The following PLAT variants were observed in gnomAD, a reference collection of about 807,000 sequenced individuals.
PLAT encodes plasminogen activator, tissue type, also known as tissue-type plasminogen activator.
Under a neutral mutation model 74.9 loss-of-function variants are expected in PLAT, and 48 were observed. That is an observed-to-expected ratio of 0.64 (90% CI 0.51 to 0.82). The LOEUF is 0.82. Among genes scored for constraint, PLAT ranks in the 40% least tolerant of loss-of-function variants. The pLI is 0.00. For synonymous variants in PLAT, 307 were observed against 294.4 expected, an observed-to-expected ratio of 1.04 and a Z score of -0.44; for missense variants, 673 against 736.2, an observed-to-expected ratio of 0.91 and a Z score of 0.99.
chr8:42,194,235 AGAGAGAGT>A (rs1454181311), intron 1 of PLAT, among the ~76,000 whole-genome samples: 8 of 63,576 alleles, frequency 1.3e-4, no homozygotes, highest in African/African-American at 3.7e-4. Context: ...AGAGAGAGAG[AGAGAGAGT>A]GTGTGTGTGT....
intron 13 of PLAT, among the ~76,000 whole-genome samples, chr8:42,177,555 A>T (rs1168066703): frequency 6.6e-6 from 1 of 152,238 alleles, no homozygotes; most frequent in Non-Finnish European, 1.5e-5. Flanking sequence ...TATCTGTACC[A>T]TAGAGATAAT....
chr8:42,199,157 T>C (rs1806032744), intron 1 of PLAT, among the ~76,000 whole-genome samples: 1 of 152,208 alleles, frequency 6.6e-6, no homozygotes. Context: ...AAAACTACCA[T>C]CACATAAGTA....
chr8:42,176,199 C>G (rs1187754279), intron 13 of PLAT, 48 bp from the exon 14 acceptor site: 14 of 1,501,188 alleles, frequency 9.3e-6, no homozygotes, highest in African/African-American at 1.4e-5. Flanking sequence ...AGCAGACTAT[C>G]TGGAGAAAGT....
chr8:42,207,409 CATT>C (rs1806385988), intron 1 of PLAT, 82 bp downstream of exon 1: 1 of 152,278 alleles, frequency 6.6e-6, no homozygotes, highest in Non-Finnish European at 1.5e-5. Flanking sequence ...TTGGTTAAAG[CATT>C]CCTTCACTGG....
intron 7 of PLAT, 188 bp downstream of exon 7, chr8:42,184,889 TCAGA>T (rs1805390398): frequency 2.2e-6 from 1 of 463,170 alleles, no homozygotes; most frequent in African/African-American, 2.0e-5. Flanking sequence ...CAGCTCCAGG[TCAGA>T]CAAATAGCCA....
At chr8:42,183,146 G>T (rs554061346) in intron 7 of PLAT, among the ~76,000 whole-genome samples, 1 of 152,320 alleles carries the variant, frequency 6.6e-6, no homozygotes, top group African/African-American at 2.4e-5. Flanking sequence ...TGGGGTTACA[G>T]GCATGCGCCA....
At chr8:42,194,800 C>T (rs8178719) in intron 1 of PLAT, among the ~76,000 whole-genome samples, 1 of 151,458 alleles carries the variant, frequency 6.6e-6, no homozygotes, top group South Asian at 2.1e-4. Context: ...GCCCACCCCC[C>T]CCACCGCTCT....
At chr8:42,197,892 G>C (rs1435300348) in intron 1 of PLAT, among the ~76,000 whole-genome samples, 1 of 152,226 alleles carries the variant, frequency 6.6e-6, no homozygotes, top group African/African-American at 2.4e-5. Context: ...GCAAAACCAA[G>C]TGGGCTGGAT....
intron 1 of PLAT, among the ~76,000 whole-genome samples, chr8:42,194,763 G>T (rs1276024262): frequency 6.6e-6 from 1 of 151,622 alleles, no homozygotes; most frequent in East Asian, 1.9e-4. Flanking sequence ...TCCCCACAAA[G>T]CAGAGGCCCC....
chr8:42,203,980 T>G (rs1806231836), intron 1 of PLAT, among the ~76,000 whole-genome samples: 1 of 122,724 alleles, frequency 8.1e-6, no homozygotes, highest in African/African-American at 4.7e-5. Flanking sequence ...TATATATATA[T>G]ATATATATAT....
At position 42,182,809 on chromosome 8, in the gene PLAT, G is replaced by C. The variant is rs148365121; in HGVS notation, c.713C>G (p.Pro238Arg). 6.2e-7 allele frequency: 1 copy of C among 1,613,598 alleles called. No homozygotes were observed. The highest frequency in any genetic ancestry group is 1.1e-5 in the South Asian group (1 of 91,068). ...GCCTATCAGGATCATGGAATTCCAC[G>C]GGAGGCAGGAGGCACCCGACTCGGT... The part of the protein sequence containing the change: ...SLTESGASCL[P>R]WNSMILIGKV... Residue 238 changes from proline to arginine, a missense_variant, in exon 8 of 14, where the codon CCG (proline) becomes CGG (arginine). Coordinates refer to ENST00000220809, the MANE Select transcript of PLAT (RefSeq NM_000930.5).
At chr8:42,195,222 G>A (rs1288802825) in intron 1 of PLAT, among the ~76,000 whole-genome samples, 1 of 145,810 alleles carries the variant, frequency 6.9e-6, no homozygotes. Flanking sequence ...ACTTCGAAAC[G>A]AACTCCCCCG....
intron 12 of PLAT, 51 bp from the exon 13 acceptor site, chr8:42,179,114 T>C: frequency 6.8e-7 from 1 of 1,477,168 alleles, no homozygotes; most frequent in Non-Finnish European, 9.3e-7. Flanking sequence ...TTTATAAACG[T>C]TTTTGAAAGA....
In PLAT at chr8:42,187,475, G is replaced by C. The variant is rs561637468; in HGVS notation, c.462C>G (p.Ser154Arg). The C allele has an allele frequency of 1.2e-6, 2 of 1,609,344 alleles. No individual in the cohort carries two copies. The highest frequency in any genetic ancestry group is 1.1e-5 in the South Asian group (1 of 91,062). Residue 154 changes from serine to arginine, a missense_variant, in exon 6 of 14, where the codon AGC becomes AGG. Coordinates refer to ENST00000220809, the MANE Select transcript of PLAT (RefSeq NM_000930.5). ...SGAECTNWNS[S>R]ALAQKPYSGR... ...CGCTGTAGGGCTTCTGGGCCAACGC[G>C]CTGCTGTTCCAGTTGGTGCACTCGG...
Position 42,191,360 on chromosome 8 carries a change from G to A in PLAT, c.115+12C>T, listed in dbSNP as rs760979359. On this transcript the variant is annotated intron_variant, in intron 3 of 13. Coordinates refer to ENST00000220809, the MANE Select transcript of PLAT (RefSeq NM_000930.5). ...CCCTGATGACCCCATGCACCCCTCA[G>A]CTTCACCCGACCTTGGTAAGATCTG... 20 of 1,613,360 alleles carry A rather than the reference G, an allele frequency of 1.2e-5. No individual in the cohort carries two copies. Among genetic ancestry groups the A allele is most frequent in the Non-Finnish European group, 1.7e-5 (20 of 1,179,300 alleles).
rs1804965056 is a variant in PLAT at position 42,176,148 on chromosome 8, C to T, written c.1534G>A (p.Asp512Asn). 1 of 1,612,862 alleles carries T rather than the reference C, an allele frequency of 6.2e-7. No homozygotes were observed. The highest frequency in any genetic ancestry group is 1.7e-4 in the Middle Eastern group (1 of 6,058). Residue 512 changes from aspartate (D) to asparagine (N), a missense_variant, in exon 14 of 14, where the codon GAT becomes AAT. By Grantham distance (23) the Asp-to-Asn change is conservative. Coordinates refer to ENST00000220809, the MANE Select transcript of PLAT (RefSeq NM_000930.5). ...QANLHDACQG[D>N]SGGPLVCLND... ...AGACACACCAGGGGGCCTCCCGAAT[C>T]GCCCTGCAAAGGAGATAGCAGGTTT... is the stretch of plus-strand genomic sequence containing the variant.
intron 7 of PLAT, among the ~76,000 whole-genome samples, chr8:42,184,396 A>G (rs867517250): frequency 1.3e-4 from 20 of 150,626 alleles, no homozygotes; most frequent in African/African-American, 3.9e-4. Flanking sequence ...TTTTTGTTCT[A>G]TCACCCAGGC....
intron 13 of PLAT, 142 bp from the exon 14 acceptor site, chr8:42,176,293 C>A: frequency 3.1e-6 from 2 of 652,730 alleles, no homozygotes; most frequent in Non-Finnish European, 5.2e-6. Flanking sequence ...TTCATTATAA[C>A]TTTGATGAGG....
At position 42,179,944 on chromosome 8, in the gene PLAT, A is replaced by T; in HGVS notation, c.1345T>A (p.Tyr449Asn). The T allele has an allele frequency of 6.2e-7, 1 of 1,602,990 alleles. No individual in the cohort carries two copies. The highest frequency in any genetic ancestry group is 8.5e-7 in the Non-Finnish European group (1 of 1,173,346). ...PDWTECELSG[Y>N]GKHEALSPFY... is the part of the protein sequence containing the mutation. ...CACTTACAGGCCTCATGCTTGCCGT[A>T]GCCGGAGAGCTCACACTCCGTCCAG... Residue 449 changes from tyrosine (Y) to asparagine (N), a missense_variant, in exon 12 of 14, where the codon TAC (tyrosine) becomes AAC (asparagine). By Grantham distance (143) the Tyr-to-Asn change is moderately radical. Coordinates refer to ENST00000220809, the MANE Select transcript of PLAT (RefSeq NM_000930.5).
Sources: gnomAD v4.1 joint callset for allele counts (sites outside exome capture counted in the v4.1 genomes callset) on GRCh38, gnomAD v4.1.1 for gene constraint, MANE v1.5 for transcripts, NCBI Gene and HGNC (gene_info 2026-07-23, HGNC 2026-07-21) for gene names.